The following GABPB1 variants were observed in gnomAD, a reference collection of about 807,000 sequenced individuals.
GABPB1 encodes the protein GA-binding protein subunit beta-1.
A neutral mutation model predicts 45.9 loss-of-function variants in GABPB1; 15 were observed. The ratio of observed to expected loss-of-function variants is 0.33; its 90% CI spans 0.22 to 0.50. GABPB1 has a LOEUF of 0.50. Ranked by LOEUF, GABPB1 falls within the 20% of genes least tolerant of loss-of-function variation. GABPB1 has a pLI of 0.98. For synonymous variants in GABPB1, 143 were observed against 154.4 expected, an observed-to-expected ratio of 0.93 and a Z score of 0.55; for missense variants, 252 against 457.5, an observed-to-expected ratio of 0.55 and a Z score of 4.10.
At position 50,339,364 on chromosome 15, in the gene GABPB1, TG is replaced by T. The variant is rs142450525; in HGVS notation, c.-1+15620del. ...ATAACCAGTAATTAACCAGGTATGG[TG>T]GAAGGCACCTGTAATCCCAGCTATC... On this transcript the variant is annotated intron_variant, in intron 1 of 8. Coordinates refer to ENST00000380877, the MANE Select transcript of GABPB1 (RefSeq NM_016654.5). 8.0e-3 allele frequency among the ~76,000 whole-genome samples: 1,222 copies of T among 151,994 alleles called. 15 individuals are homozygous for T. Among genetic ancestry groups the T allele is most frequent in the African/African-American group, 0.028 (1,178 of 41,466 alleles).
chr15:50,286,541 A>G (rs1042452036), intron 7 of GABPB1, among the ~76,000 whole-genome samples: 6 of 152,146 alleles, frequency 3.9e-5, no homozygotes, highest in African/African-American at 1.4e-4. Context: ...TTATCCTTAT[A>G]TTAATTTGTT....
chr15:50,326,570 G>A (rs1486097993), intron 1 of GABPB1, among the ~76,000 whole-genome samples: 2 of 152,144 alleles, frequency 1.3e-5, no homozygotes, highest in African/African-American at 4.8e-5. Flanking sequence ...GCTGAGGCAG[G>A]AGAATCGCTA....
intron 1 of GABPB1, among the ~76,000 whole-genome samples, chr15:50,346,586 A>AC (rs2048588557): frequency 1.8e-5 from 2 of 109,272 alleles, no homozygotes; most frequent in African/African-American, 7.4e-5. Context: ...AACAACAGAA[A>AC]GTTTTTTTTT....
At chr15:50,346,094 G>A (rs935394946) in intron 1 of GABPB1, among the ~76,000 whole-genome samples, 1 of 152,038 alleles carries the variant, frequency 6.6e-6, no homozygotes, top group African/African-American at 2.4e-5. Context: ...AGTTAACTGT[G>A]GCAGCAGGAT....
intron 8 of GABPB1, among the ~76,000 whole-genome samples, chr15:50,281,341 A>G (rs1190888098): frequency 6.6e-6 from 1 of 152,136 alleles, no homozygotes; most frequent in Non-Finnish European, 1.5e-5. Context: ...CCTCCTGAGT[A>G]GCTGGGACTA....
intron 1 of GABPB1, among the ~76,000 whole-genome samples, chr15:50,341,567 T>C (rs1350019905): frequency 1.3e-5 from 2 of 152,050 alleles, no homozygotes; most frequent in Non-Finnish European, 2.9e-5. Flanking sequence ...AACAGTTGGC[T>C]ACTCACCATT....
chr15:50,351,031 C>T (rs2048799826), intron 1 of GABPB1: 2 of 152,156 alleles, frequency 1.3e-5, no homozygotes, highest in Admixed American at 6.5e-5. Flanking sequence ...GTGATTTTGA[C>T]ACTTAGGTGT....
At chr15:50,345,222 G>A (rs149945257) in intron 1 of GABPB1, among the ~76,000 whole-genome samples, 26 of 152,152 alleles carry the variant, frequency 1.7e-4, no homozygotes, top group Admixed American at 6.5e-5. Flanking sequence ...AGTGGAAATA[G>A]TAACACATAT....
chr15:50,327,953 A>G (rs2047825940), intron 1 of GABPB1, among the ~76,000 whole-genome samples: 1 of 151,918 alleles, frequency 6.6e-6, no homozygotes, highest in South Asian at 2.1e-4. Context: ...ACTGCTAGCT[A>G]CCCTATCTTG....
intron 4 of GABPB1, among the ~76,000 whole-genome samples, chr15:50,302,308 G>A (rs2141024696): frequency 6.6e-6 from 1 of 152,092 alleles, no homozygotes; most frequent in African/African-American, 2.4e-5. Context: ...AGTAGACTTG[G>A]AAAAACCATA....
At chr15:50,354,783 C>T (rs942567371) in intron 1 of GABPB1, 14 of 232,586 alleles carry the variant, frequency 6.0e-5, no homozygotes, top group Non-Finnish European at 1.1e-4. Context: ...AGCGCAGCGG[C>T]GGCGCGGGCG....
At chr15:50,304,625 C>T (rs192376776) in intron 2 of GABPB1, among the ~76,000 whole-genome samples, 2,641 of 151,524 alleles carry the variant, frequency 0.017, 40 homozygotes, top group Middle Eastern at 0.034. Flanking sequence ...GCAGGAGAAT[C>T]GCTTGAACCC....
At chr15:50,334,162 G>A (rs1248244744) in intron 1 of GABPB1, among the ~76,000 whole-genome samples, 1 of 152,124 alleles carries the variant, frequency 6.6e-6, no homozygotes. Flanking sequence ...GTGTTTAGGT[G>A]TGGACTTACT....
At chr15:50,303,444 G>A (rs955910406) in intron 3 of GABPB1, among the ~76,000 whole-genome samples, 3 of 152,272 alleles carry the variant, frequency 2.0e-5, no homozygotes, top group Non-Finnish European at 4.4e-5. Context: ...AGCACTTTGG[G>A]AGCCCAAGGC....
chr15:50,354,419 G>A, intron 1 of GABPB1: 2 of 451,286 alleles, frequency 4.4e-6, no homozygotes, highest in South Asian at 3.1e-5. Flanking sequence ...CGCGACCCGA[G>A]CGCCTCTCGG....
chr15:50,323,080 A>C (rs1002998823), intron 1 of GABPB1, among the ~76,000 whole-genome samples: 8 of 152,044 alleles, frequency 5.3e-5, no homozygotes, highest in Admixed American at 3.9e-4. Context: ...CTATTACGAA[A>C]ATTAATTTTG....
intron 1 of GABPB1, 167 bp downstream of exon 1, chr15:50,354,818 G>A (rs1017027252): frequency 4.4e-6 from 1 of 226,144 alleles, no homozygotes; most frequent in East Asian, 1.9e-4. Context: ...GCCGACCCCC[G>A]CGGAATAAGC....
At chr15:50,340,674 G>A (rs1200691077) in intron 1 of GABPB1, among the ~76,000 whole-genome samples, 1 of 150,976 alleles carries the variant, frequency 6.6e-6, no homozygotes, top group Non-Finnish European at 1.5e-5. Flanking sequence ...TTATACAGCT[G>A]CATAGTATGC....
chr15:50,310,258 AAT>A (rs995295985), intron 1 of GABPB1, among the ~76,000 whole-genome samples: 8 of 152,002 alleles, frequency 5.3e-5, no homozygotes, highest in African/African-American at 1.9e-4. Context: ...ACACCCAGCT[AAT>A]TTTTCTATTT....
Sources: gnomAD v4.1 joint callset for allele counts (sites outside exome capture counted in the v4.1 genomes callset) on GRCh38, gnomAD v4.1.1 for gene constraint, MANE v1.5 for transcripts, NCBI Gene and HGNC (gene_info 2026-07-23, HGNC 2026-07-21) for gene names.